TACR3: variants seen among roughly 807,000 people sequenced by gnomAD.
TACR3 encodes neuromedin-K receptor.
A neutral mutation model predicts 35.0 loss-of-function variants in TACR3; 34 were observed. The ratio of observed to expected loss-of-function variants is 0.97; its 90% CI spans 0.74 to 1.30. The LOEUF is 1.30. Ranked by LOEUF, TACR3 falls within the 50% of genes most tolerant of loss-of-function variation. TACR3 has a pLI of 0.00. For synonymous variants in TACR3, 233 were observed against 221.1 expected, an observed-to-expected ratio of 1.05 and a Z score of -0.48; for missense variants, 558 against 591.7, an observed-to-expected ratio of 0.94 and a Z score of 0.59.
At chr4:103,626,974 ACCAGCCTGG>A (rs1421001591) in intron 3 of TACR3, among the ~76,000 whole-genome samples, 1 of 151,304 alleles carries the variant, frequency 6.6e-6, no homozygotes, top group Non-Finnish European at 1.5e-5. Context: ...GGAGTTGGAG[ACCAGCCTGG>A]CCAACATAGC....
At chr4:103,604,338 T>A (rs1033221702) in intron 3 of TACR3, among the ~76,000 whole-genome samples, 1 of 152,254 alleles carries the variant, frequency 6.6e-6, no homozygotes, top group East Asian at 1.9e-4. Flanking sequence ...GCTAGCCATA[T>A]GCAGAAAACT....
At position 103,650,535 on chromosome 4, in the gene TACR3, A is replaced by G. The variant is rs1173485757; in HGVS notation, c.888+5659T>C. 2.3e-5 allele frequency among the ~76,000 whole-genome samples: 3 copies of G among 128,930 alleles called. No individual in the cohort carries two copies. The East Asian group carries it at 6.4e-4, about 28-fold the overall frequency. The allele number at this position is 128,930 out of a possible 152,430, so 84.6% of individuals were successfully genotyped here. On this transcript the variant is annotated intron_variant, in intron 3 of 4. Coordinates refer to ENST00000304883, the MANE Select transcript of TACR3 (RefSeq NM_001059.3). ...ATATATAAATATGTATTATTTATATATAAATATATAAAATAAATTTAATAA... is the reference window on the plus strand; with the variant it reads ...ATATATAAATATGTATTATTTATATGTAAATATATAAAATAAATTTAATAA...
rs190730641 is a variant in TACR3, at chr4:103,611,910, A to T, written c.889-20227T>A. On this transcript the variant is annotated intron_variant, in intron 3 of 4. Coordinates refer to ENST00000304883, the MANE Select transcript of TACR3 (RefSeq NM_001059.3). ...AAATCCTATTGACCAAGACATCAAA[A>T]TAAGTCTTATATCTTTTAATATCTT... Among the ~76,000 whole-genome samples the T allele has an allele frequency of 4.9e-3, 752 of 152,246 alleles. 5 individuals are homozygous for T. Among genetic ancestry groups the T allele is most frequent in the Non-Finnish European group, 8.3e-3 (566 of 68,014 alleles).
intron 3 of TACR3, among the ~76,000 whole-genome samples, chr4:103,627,123 C>T (rs1407954095): frequency 2.3e-5 from 3 of 129,588 alleles, no homozygotes; most frequent in Admixed American, 1.8e-4. Context: ...CGGAGGTTGC[C>T]GTGAGCCGAG....
At chr4:103,704,075 G>A (rs1176668149) in intron 1 of TACR3, among the ~76,000 whole-genome samples, 1 of 111,712 alleles carries the variant, frequency 9.0e-6, no homozygotes, top group Admixed American at 1.4e-4. Context: ...CTGCATTCCA[G>A]TCTGGGCAAC....
chr4:103,606,882 G>A (rs1022786976), intron 3 of TACR3, among the ~76,000 whole-genome samples: 5 of 152,132 alleles, frequency 3.3e-5, no homozygotes, highest in African/African-American at 1.2e-4. Flanking sequence ...TTGAGAGAGG[G>A]CATCCCTGTC....
intron 1 of TACR3, among the ~76,000 whole-genome samples, chr4:103,713,507 A>G (rs1364192793): frequency 6.6e-6 from 1 of 150,700 alleles, no homozygotes; most frequent in African/African-American, 2.4e-5. Context: ...AGCATTAGGA[A>G]ATATACCTAA....
chr4:103,595,208 C>G (rs542481851), intron 3 of TACR3, among the ~76,000 whole-genome samples: 1 of 152,228 alleles, frequency 6.6e-6, no homozygotes, highest in African/African-American at 2.4e-5. Context: ...AGGCTATGAA[C>G]TGTTAAACAG....
intron 4 of TACR3, 93 bp from the exon 5 acceptor site, chr4:103,590,087 A>G: frequency 6.7e-7 from 1 of 1,497,048 alleles, no homozygotes; most frequent in Non-Finnish European, 9.1e-7. Context: ...AGGCAGTTAT[A>G]ACAACTCAGT....
chr4:103,705,702 T>C (rs995179288), intron 1 of TACR3, among the ~76,000 whole-genome samples: 3 of 152,114 alleles, frequency 2.0e-5, no homozygotes, highest in Admixed American at 6.6e-5. Context: ...GAGGAGTACA[T>C]TTAGCTAATG....
At chr4:103,596,059 G>A (rs1402066102) in intron 3 of TACR3, among the ~76,000 whole-genome samples, 2 of 151,068 alleles carry the variant, frequency 1.3e-5, no homozygotes, top group Non-Finnish European at 2.9e-5. Context: ...TTTCATCCAT[G>A]TCCCTACAAA....
At chr4:103,672,403 G>T (rs56345757) in intron 1 of TACR3, among the ~76,000 whole-genome samples, 23,274 of 152,100 alleles carry the variant, frequency 0.15, 2,314 homozygotes, top group East Asian at 0.43. Flanking sequence ...TCCCTGGGCT[G>T]CAGAATGAAT....
At chr4:103,710,956 C>T (rs961987595) in intron 1 of TACR3, among the ~76,000 whole-genome samples, 33 of 152,028 alleles carry the variant, frequency 2.2e-4, no homozygotes, top group African/African-American at 8.0e-4. Context: ...AAGCTGAATC[C>T]CTGAATATAC....
At chr4:103,654,096 G>T (rs1158706039) in intron 3 of TACR3, among the ~76,000 whole-genome samples, 1 of 149,302 alleles carries the variant, frequency 6.7e-6, no homozygotes, top group Non-Finnish European at 1.5e-5. Context: ...TACACTGTTG[G>T]TGGGACTGTA....
At chr4:103,664,908 C>G (rs1725905885) in intron 1 of TACR3, among the ~76,000 whole-genome samples, 1 of 151,580 alleles carries the variant, frequency 6.6e-6, no homozygotes, top group South Asian at 2.1e-4. Context: ...ACTCTTGGCT[C>G]AAGTGATCTT....
intron 1 of TACR3, among the ~76,000 whole-genome samples, chr4:103,673,216 T>C (rs1254671170): frequency 1.3e-5 from 2 of 152,198 alleles, no homozygotes; most frequent in East Asian, 3.9e-4. Flanking sequence ...TTTCCATTAA[T>C]AACTCTTACT....
At chr4:103,672,725 C>T (rs989947726) in intron 1 of TACR3, among the ~76,000 whole-genome samples, 1 of 152,134 alleles carries the variant, frequency 6.6e-6, no homozygotes, top group Non-Finnish European at 1.5e-5. Flanking sequence ...GCTGCACTAA[C>T]CCTTAGTAAC....
chr4:103,712,375 A>C, intron 1 of TACR3, among the ~76,000 whole-genome samples: 1 of 152,240 alleles, frequency 6.6e-6, no homozygotes, highest in Non-Finnish European at 1.5e-5. Context: ...AAATGGGGAA[A>C]GGATTCCCTA....
Position 103,629,168 on chromosome 4 carries a change from C to G in TACR3, c.888+27026G>C, listed in dbSNP as rs949909424. The stretch of plus-strand genomic sequence containing the variant: ...AATAATCAGAGCTATTTATGACAAA[C>G]CCACAGCCAATATCATACTGAATGG... On this transcript the variant is annotated intron_variant, in intron 3 of 4. Coordinates refer to ENST00000304883, the MANE Select transcript of TACR3 (RefSeq NM_001059.3). Among the ~76,000 whole-genome samples the G allele has an allele frequency of 3.9e-5, 6 of 152,224 alleles. No homozygotes were observed. The South Asian group carries it at 1.2e-3, about 32-fold the overall frequency.
Sources: gnomAD v4.1 joint callset for allele counts (sites outside exome capture counted in the v4.1 genomes callset) on GRCh38, gnomAD v4.1.1 for gene constraint, MANE v1.5 for transcripts, NCBI Gene and HGNC (gene_info 2026-07-23, HGNC 2026-07-21) for gene names.